Variants in NUBPL observed in about 807,000 individuals in gnomAD.
The protein encoded by NUBPL is NUBP iron-sulfur cluster assembly factor, mitochondrial, also known as iron-sulfur cluster transfer protein NUBPL.
Under a neutral mutation model 45.7 loss-of-function variants are expected in NUBPL, and 31 were observed. The observed-to-expected ratio is 0.68, with a 90% CI of 0.51 to 0.92. The LOEUF (loss-of-function observed/expected upper bound fraction) is 0.92. NUBPL is among the 40% of genes least tolerant of loss of function. The pLI is 0.00. For missense variants in NUBPL, 401 were observed against 398.7 expected, an observed-to-expected ratio of 1.01 and a Z score of -0.05; for synonymous variants, 144 against 140.9, an observed-to-expected ratio of 1.02 and a Z score of -0.15.
At chr14:31,762,410 C>T (rs1383577153) in intron 6 of NUBPL, among the ~76,000 whole-genome samples, 2 of 152,174 alleles carry the variant, frequency 1.3e-5, no homozygotes, top group African/African-American at 4.8e-5. Flanking sequence ...TTTGGCTTTA[C>T]TTCACTTTGA....
chr14:31,578,622 G>A (rs888293154), intron 3 of NUBPL, among the ~76,000 whole-genome samples: 1 of 152,144 alleles, frequency 6.6e-6, no homozygotes, highest in Admixed American at 6.5e-5. Context: ...CCATGTTCTT[G>A]CTTTCTCCTT....
At chr14:31,656,820 G>T (rs1236553554) in intron 4 of NUBPL, among the ~76,000 whole-genome samples, 1 of 152,132 alleles carries the variant, frequency 6.6e-6, no homozygotes, top group African/African-American at 2.4e-5. Context: ...TGGAAAAATG[G>T]CACCAATAGA....
rs369786195 is a variant in NUBPL, at chr14:31,838,864, C to G, written c.694-7607C>G. 3.2e-4 allele frequency among the ~76,000 whole-genome samples: 49 copies of G among 152,224 alleles called. 1 individual carries two copies. The highest frequency in any genetic ancestry group is 7.5e-4 in the African/African-American group (31 of 41,536). On this transcript the variant is annotated intron_variant, in intron 8 of 10. Transcript: ENST00000281081. Reference sequence around the variant, plus strand: ...TTCAGACTAGCCACATTTCAAGTATCCAGTAGCCAGCCACACGTGACTAAT... The same window carrying G: ...TTCAGACTAGCCACATTTCAAGTATGCAGTAGCCAGCCACACGTGACTAAT...
chr14:31,799,951 C>A (rs928326556), intron 7 of NUBPL, among the ~76,000 whole-genome samples: 1 of 152,222 alleles, frequency 6.6e-6, no homozygotes, highest in Non-Finnish European at 1.5e-5. Context: ...TCTTCTCAAG[C>A]CATGCTTCTG....
At chr14:31,781,113 G>A (rs1566558505) in intron 6 of NUBPL, among the ~76,000 whole-genome samples, 3 of 152,144 alleles carry the variant, frequency 2.0e-5, no homozygotes, top group Non-Finnish European at 4.4e-5. Flanking sequence ...GAGAACCTAC[G>A]AAAGACATCA....
chr14:31,789,295 C>T (rs2039338056), intron 7 of NUBPL, among the ~76,000 whole-genome samples: 2 of 149,670 alleles, frequency 1.3e-5, no homozygotes, highest in Middle Eastern at 3.4e-3. Flanking sequence ...CATTGCGCTC[C>T]AGCCTGGGCG....
intron 4 of NUBPL, among the ~76,000 whole-genome samples, chr14:31,601,630 C>T (rs2034436575): frequency 6.6e-6 from 1 of 152,198 alleles, no homozygotes; most frequent in South Asian, 2.1e-4. Context: ...CAAAAAAACA[C>T]ATGAAAACTG....
intron 4 of NUBPL, among the ~76,000 whole-genome samples, chr14:31,634,073 CT>C (rs950908619): frequency 2.9e-4 from 44 of 150,336 alleles, no homozygotes; most frequent in South Asian, 1.9e-3. Context: ...AAAATCAGTT[CT>C]TTTTTTTTAA....
At chr14:31,611,297 TAGAA>T (rs1029335223) in intron 4 of NUBPL, among the ~76,000 whole-genome samples, 1 of 151,886 alleles carries the variant, frequency 6.6e-6, no homozygotes, top group African/African-American at 2.4e-5. Context: ...TGAACAATCT[TAGAA>T]AGAAAAACAT....
chr14:31,765,091 A>G (rs1304437704), intron 6 of NUBPL, among the ~76,000 whole-genome samples: 1 of 152,198 alleles, frequency 6.6e-6, no homozygotes, highest in Non-Finnish European at 1.5e-5. Flanking sequence ...TCTATTTAAC[A>G]CGGGAAAGAC....
At chr14:31,721,780 A>G (rs1004415524) in intron 6 of NUBPL, among the ~76,000 whole-genome samples, 1 of 151,712 alleles carries the variant, frequency 6.6e-6, no homozygotes, top group African/African-American at 2.4e-5. Context: ...CTCCACCTTT[A>G]AGTAGACCCC....
intron 6 of NUBPL, among the ~76,000 whole-genome samples, chr14:31,740,754 T>C (rs1000401232): frequency 6.6e-6 from 1 of 152,176 alleles, no homozygotes; most frequent in Non-Finnish European, 1.5e-5. Flanking sequence ...AGGTTTCATC[T>C]TTTGTAGTTG....
intron 6 of NUBPL, among the ~76,000 whole-genome samples, chr14:31,744,157 G>A (rs183704890): frequency 9.8e-4 from 149 of 152,234 alleles, no homozygotes; most frequent in Middle Eastern, 6.8e-3. Context: ...TGATCTCTTG[G>A]GTGAGAGAAG....
At chr14:31,690,581 T>C (rs1156929391) in intron 6 of NUBPL, among the ~76,000 whole-genome samples, 1 of 152,128 alleles carries the variant, frequency 6.6e-6, no homozygotes, top group East Asian at 1.9e-4. Context: ...GTCAGTGCTA[T>C]GGAAGAGAAC....
At chr14:31,854,419 G>T (rs1426721682) in intron 10 of NUBPL, among the ~76,000 whole-genome samples, 1 of 152,160 alleles carries the variant, frequency 6.6e-6, no homozygotes, top group Non-Finnish European at 1.5e-5. Flanking sequence ...TTAAACAAAA[G>T]AAAGATAGAT....
At chr14:31,659,220 A>C (rs148362358) in intron 4 of NUBPL, among the ~76,000 whole-genome samples, 158 of 152,312 alleles carry the variant, frequency 1.0e-3, no homozygotes, top group Non-Finnish European at 1.9e-3. Flanking sequence ...TGTAACTGCT[A>C]CTACTGGTTT....
chr14:31,835,951 C>T (rs1745699037), intron 8 of NUBPL, among the ~76,000 whole-genome samples: 1 of 152,124 alleles, frequency 6.6e-6, no homozygotes, highest in South Asian at 2.1e-4. Flanking sequence ...GTAACAGGTT[C>T]CAACCAGCAA....
At chr14:31,727,740 A>T (rs909028162) in intron 6 of NUBPL, among the ~76,000 whole-genome samples, 8 of 152,174 alleles carry the variant, frequency 5.3e-5, no homozygotes, top group South Asian at 2.1e-4. Context: ...CTTTTGTTTA[A>T]ATCCAAATAG....
At chr14:31,567,232 G>A (rs1391104516) in intron 3 of NUBPL, among the ~76,000 whole-genome samples, 1 of 152,042 alleles carries the variant, frequency 6.6e-6, no homozygotes, top group East Asian at 1.9e-4. Flanking sequence ...AATAACCAGT[G>A]TTTTCCCTCT....
Sources: gnomAD v4.1 joint callset for allele counts (sites outside exome capture counted in the v4.1 genomes callset) on GRCh38, gnomAD v4.1.1 for gene constraint, MANE v1.5 for transcripts, NCBI Gene and HGNC (gene_info 2026-07-23, HGNC 2026-07-21) for gene names.